SSBP2: variants seen among roughly 807,000 people sequenced by gnomAD.
SSBP2 encodes the protein single-stranded DNA-binding protein 2.
SSBP2 carries 17 observed loss-of-function variants against 61.8 expected under a neutral mutation model. The ratio of observed to expected loss-of-function variants is 0.28; its 90% CI spans 0.19 to 0.41. SSBP2 has a LOEUF of 0.41. Ranked by LOEUF, SSBP2 falls within the 10% of genes least tolerant of loss-of-function variation. The pLI is 1.00. For missense variants in SSBP2, 310 were observed against 458.7 expected (o/e 0.68, Z 2.96); for synonymous variants, 139 against 141.3 (o/e 0.98, Z 0.12).
intron 6 of SSBP2, among the ~76,000 whole-genome samples, chr5:81,483,047 G>T (rs1019903566): frequency 5.9e-5 from 9 of 152,156 alleles, no homozygotes; most frequent in African/African-American, 2.2e-4. Context: ...ATCAGGGAGT[G>T]GCTGGTCGGT....
At chr5:81,583,775 G>A (rs1774864089) in intron 4 of SSBP2, among the ~76,000 whole-genome samples, 1 of 151,988 alleles carries the variant, frequency 6.6e-6, no homozygotes, top group African/African-American at 2.4e-5. Context: ...CAACTTCTTC[G>A]CTTTCAAACA....
At chr5:81,676,654 A>C (rs1174145054) in intron 1 of SSBP2, among the ~76,000 whole-genome samples, 1 of 152,118 alleles carries the variant, frequency 6.6e-6, no homozygotes, top group Non-Finnish European at 1.5e-5. Context: ...GTATTTCTTA[A>C]CCGTGAAGCC....
At chr5:81,627,383 G>A (rs1205595973) in intron 3 of SSBP2, among the ~76,000 whole-genome samples, 1 of 151,878 alleles carries the variant, frequency 6.6e-6, no homozygotes, top group Non-Finnish European at 1.5e-5. Context: ...TGTCTTATAC[G>A]ATGCTTAGTT....
intron 12 of SSBP2, among the ~76,000 whole-genome samples, chr5:81,444,083 C>T (rs1396303408): frequency 6.6e-6 from 1 of 152,014 alleles, no homozygotes; most frequent in African/African-American, 2.4e-5. Context: ...GAACAATGAC[C>T]CATAAATCTA....
chr5:81,451,418 T>G (rs1763763310), intron 10 of SSBP2, among the ~76,000 whole-genome samples: 1 of 152,120 alleles, frequency 6.6e-6, no homozygotes, highest in Non-Finnish European at 1.5e-5. Flanking sequence ...ATTATTTATT[T>G]ATTGTATTCT....
intron 4 of SSBP2, among the ~76,000 whole-genome samples, chr5:81,601,846 TG>T: frequency 6.6e-6 from 1 of 152,290 alleles, no homozygotes; most frequent in South Asian, 2.1e-4. Context: ...CCTCTCAATC[TG>T]AAGACCTGTG....
intron 1 of SSBP2, among the ~76,000 whole-genome samples, chr5:81,679,499 G>A (rs1284866735): frequency 6.6e-6 from 1 of 152,142 alleles, no homozygotes; most frequent in Non-Finnish European, 1.5e-5. Context: ...TAACCATATA[G>A]TGGTATAGTG....
intron 16 of SSBP2, among the ~76,000 whole-genome samples, chr5:81,427,219 C>CACT (rs1193250787): frequency 1.3e-5 from 2 of 152,026 alleles, no homozygotes; most frequent in Admixed American, 1.3e-4. Flanking sequence ...TGAAGCAAAC[C>CACT]ACTCAAAGAA....
intron 4 of SSBP2, among the ~76,000 whole-genome samples, chr5:81,537,810 TC>T (rs1352392649): frequency 4.6e-5 from 7 of 152,128 alleles, no homozygotes; most frequent in Admixed American, 2.6e-4. Context: ...TCTGTCCCTC[TC>T]CTCAGGCTTC....
In SSBP2 at chr5:81,695,887, T is replaced by C. The variant is rs185860509; in HGVS notation, c.63-45548A>G. ...TAATATAATTTTTATCTTGAAAAGA[T>C]TTCAAAGATTCTAATACTTATCAGA... On this transcript the variant is annotated intron_variant, in intron 1 of 16. Transcript: ENST00000320672. Among the ~76,000 whole-genome samples the C allele has an allele frequency of 3.2e-3, 493 of 152,314 alleles. 2 individuals carry two copies. The highest frequency in any genetic ancestry group is 6.3e-3 in the Non-Finnish European group (428 of 68,026).
intron 4 of SSBP2, among the ~76,000 whole-genome samples, chr5:81,593,556 G>C (rs554052263): frequency 6.6e-6 from 1 of 152,248 alleles, no homozygotes; most frequent in Non-Finnish European, 1.5e-5. Flanking sequence ...CACCAAAGTT[G>C]AAATGAAGGA....
At chr5:81,597,131 C>G (rs974291252) in intron 4 of SSBP2, among the ~76,000 whole-genome samples, 1 of 152,162 alleles carries the variant, frequency 6.6e-6, no homozygotes, top group African/African-American at 2.4e-5. Context: ...GGCTAATATG[C>G]AGAATCTACA....
At chr5:81,730,178 A>T (rs894930977) in intron 1 of SSBP2, among the ~76,000 whole-genome samples, 1 of 152,194 alleles carries the variant, frequency 6.6e-6, no homozygotes, top group African/African-American at 2.4e-5. Context: ...CTCTATTTTT[A>T]AAATGAACGC....
At chr5:81,568,672 G>T (rs1237086101) in intron 4 of SSBP2, among the ~76,000 whole-genome samples, 1 of 152,036 alleles carries the variant, frequency 6.6e-6, no homozygotes, top group Non-Finnish European at 1.5e-5. Flanking sequence ...ATTATAAAAA[G>T]AACATAAAGT....
intron 4 of SSBP2, among the ~76,000 whole-genome samples, chr5:81,542,817 T>TTCTCTTTCTCTCTC (rs1771384866): frequency 9.4e-6 from 1 of 106,724 alleles, no homozygotes; most frequent in Non-Finnish European, 1.9e-5. Flanking sequence ...ATTTGACAGT[T>TTCTCTTTCTCTCTC]TCTCTCTCTC....
chr5:81,529,225 T>C (rs907941437), intron 4 of SSBP2, among the ~76,000 whole-genome samples: 2 of 152,124 alleles, frequency 1.3e-5, no homozygotes, highest in African/African-American at 2.4e-5. Context: ...AATCATCGTA[T>C]GATGGCCTTT....
At chr5:81,666,288 A>G (rs1031763051) in intron 1 of SSBP2, among the ~76,000 whole-genome samples, 4 of 152,188 alleles carry the variant, frequency 2.6e-5, no homozygotes, top group African/African-American at 7.2e-5. Context: ...GATAATGAAG[A>G]TACTGAACTG....
At chr5:81,453,287 A>T (rs190670980) in intron 10 of SSBP2, among the ~76,000 whole-genome samples, 1 of 152,084 alleles carries the variant, frequency 6.6e-6, no homozygotes, top group African/African-American at 2.4e-5. Flanking sequence ...AGCCTGGGCA[A>T]CAGAGTGAGA....
At chr5:81,522,921 AAG>A (rs1383265197) in intron 4 of SSBP2, among the ~76,000 whole-genome samples, 1 of 152,074 alleles carries the variant, frequency 6.6e-6, no homozygotes, top group Non-Finnish European at 1.5e-5. Context: ...CCAAAAGAGC[AAG>A]AGAGAGACCC....
Sources: gnomAD v4.1 joint callset for allele counts (sites outside exome capture counted in the v4.1 genomes callset) on GRCh38, gnomAD v4.1.1 for gene constraint, MANE v1.5 for transcripts, NCBI Gene and HGNC (gene_info 2026-07-23, HGNC 2026-07-21) for gene names.